RFX3: variants seen among roughly 807,000 people sequenced by gnomAD.
The protein encoded by RFX3 is regulatory factor X3, also known as transcription factor RFX3.
In RFX3, 14 loss-of-function variants were observed where a neutral mutation model predicts 98.6. That is an observed-to-expected ratio of 0.14 (90% CI 0.09 to 0.22). The LOEUF is 0.22. Ranked by LOEUF, RFX3 falls within the 10% of genes least tolerant of loss-of-function variation. The pLI is 1.00. For synonymous variants in RFX3, 383 were observed against 328.4 expected, an observed-to-expected ratio of 1.17 and a Z score of -1.80; for missense variants, 639 against 926.9, an observed-to-expected ratio of 0.69 and a Z score of 4.03.
intron 1 of RFX3, among the ~76,000 whole-genome samples, chr9:3,407,687 T>C (rs1237089152): frequency 6.6e-6 from 1 of 152,204 alleles, no homozygotes; most frequent in Non-Finnish European, 1.5e-5. Flanking sequence ...TTCTATATTA[T>C]GGGAATTAGA....
chr9:3,250,160 A>T (rs961379000), intron 14 of RFX3, among the ~76,000 whole-genome samples: 19 of 151,976 alleles, frequency 1.3e-4, no homozygotes, highest in Non-Finnish European at 1.3e-4. Flanking sequence ...TTACTAAAAA[A>T]GCAAAAACAA....
intron 1 of RFX3, among the ~76,000 whole-genome samples, chr9:3,521,275 G>T (rs1450055617): frequency 6.6e-6 from 1 of 152,126 alleles, no homozygotes; most frequent in East Asian, 1.9e-4. Context: ...ACTAATGCCA[G>T]ACAGTGCCAA....
intron 2 of RFX3, among the ~76,000 whole-genome samples, chr9:3,360,064 C>T (rs985849793): frequency 7.2e-5 from 11 of 151,998 alleles, no homozygotes; most frequent in African/African-American, 2.7e-4. Flanking sequence ...ATTTCATTAC[C>T]ATCCCCAATA....
chr9:3,454,217 AAAT>A (rs1288763518), intron 1 of RFX3, among the ~76,000 whole-genome samples: 8 of 152,160 alleles, frequency 5.3e-5, no homozygotes, highest in Admixed American at 4.6e-4. Context: ...CCATTTCAAA[AAAT>A]AAAGGTATAT....
At chr9:3,290,492 T>C (rs1390710315) in intron 6 of RFX3, among the ~76,000 whole-genome samples, 1 of 152,112 alleles carries the variant, frequency 6.6e-6, no homozygotes, top group Non-Finnish European at 1.5e-5. Flanking sequence ...AGTTTCAAAA[T>C]ATTGGCACGG....
chr9:3,239,891 T>G (rs1398549439), intron 15 of RFX3, among the ~76,000 whole-genome samples: 2 of 152,220 alleles, frequency 1.3e-5, no homozygotes, highest in East Asian at 3.9e-4. Context: ...CCCTGCCCCG[T>G]GGCTCTGAGT....
intron 1 of RFX3, chr9:3,453,445 A>T (rs999352866): frequency 6.6e-6 from 1 of 152,034 alleles, no homozygotes; most frequent in African/African-American, 2.4e-5. Flanking sequence ...TCATGCCTGT[A>T]ATGCTGGCAA....
At chr9:3,374,667 A>G (rs1368002658) in intron 2 of RFX3, among the ~76,000 whole-genome samples, 1 of 152,222 alleles carries the variant, frequency 6.6e-6, no homozygotes, top group East Asian at 1.9e-4. Context: ...AGCCAAATTC[A>G]TAGAAACAAA....
intron 16 of RFX3, among the ~76,000 whole-genome samples, chr9:3,227,959 G>A (rs1817983318): frequency 6.6e-6 from 1 of 152,006 alleles, no homozygotes; most frequent in African/African-American, 2.4e-5. Context: ...CAGTGGCTCT[G>A]GCCTGGAAGG....
intron 1 of RFX3, among the ~76,000 whole-genome samples, chr9:3,493,510 C>G (rs1850872615): frequency 6.6e-6 from 1 of 151,528 alleles, no homozygotes; most frequent in Admixed American, 6.6e-5. Flanking sequence ...TGGTGAAACC[C>G]CATCTCTACT....
Position 3,481,463 on chromosome 9 carries a change from T to G in RFX3, c.-9+44284A>C, listed in dbSNP as rs1251290879. Reference sequence around the variant, plus strand: ...AACCTTCCACATCAAGAAAATAGTTTCCCATCTGAAAAGTACATTTTTTAA... The same window carrying G: ...AACCTTCCACATCAAGAAAATAGTTGCCCATCTGAAAAGTACATTTTTTAA... On this transcript the variant is annotated intron_variant, in intron 1 of 16. Transcript: ENST00000617270. Among the ~76,000 whole-genome samples, 4 of 151,866 alleles carry G rather than the reference T, an allele frequency of 2.6e-5. No individual in the cohort carries two copies. In the East Asian group the frequency reaches 7.7e-4, roughly 29 times the overall value.
At chr9:3,233,135 G>A (rs919188976) in intron 15 of RFX3, among the ~76,000 whole-genome samples, 1 of 152,174 alleles carries the variant, frequency 6.6e-6, no homozygotes, top group Non-Finnish European at 1.5e-5. Flanking sequence ...GACAACAGCA[G>A]GCTGGGAAAT....
chr9:3,504,177 T>C (rs180976021), intron 1 of RFX3, among the ~76,000 whole-genome samples: 21 of 92,742 alleles, frequency 2.3e-4, no homozygotes, highest in East Asian at 1.0e-3. Context: ...ATATTATATA[T>C]TATACATATT....
chr9:3,330,701 A>G (rs1832493827), intron 3 of RFX3, among the ~76,000 whole-genome samples, 184 bp from the exon 4 acceptor site: 1 of 152,128 alleles, frequency 6.6e-6, no homozygotes, highest in South Asian at 2.1e-4. Context: ...TTAAGGGGCC[A>G]CTCATTTAAA....
chr9:3,524,841 A>G (rs1235959327), intron 1 of RFX3, among the ~76,000 whole-genome samples: 5 of 123,764 alleles, frequency 4.0e-5, no homozygotes, highest in African/African-American at 1.7e-4. Flanking sequence ...ACACACACAC[A>G]CACACACACA....
chr9:3,244,410 A>G (rs1051180081), intron 15 of RFX3, among the ~76,000 whole-genome samples: 1 of 152,204 alleles, frequency 6.6e-6, no homozygotes, highest in African/African-American at 2.4e-5. Flanking sequence ...TACCTGGCAC[A>G]CAACTGCTAT....
intron 15 of RFX3, among the ~76,000 whole-genome samples, chr9:3,233,733 C>T (rs1266592661): frequency 6.6e-6 from 1 of 152,208 alleles, no homozygotes; most frequent in Non-Finnish European, 1.5e-5. Context: ...ACAGCCATCG[C>T]TTGCTAATTG....
chr9:3,247,777 T>C (rs1345480327), intron 15 of RFX3: 8 of 1,590,828 alleles, frequency 5.0e-6, no homozygotes, highest in Non-Finnish European at 6.0e-6. Flanking sequence ...TTCTTTTACA[T>C]AGGTACCTGT....
At chr9:3,352,584 C>T (rs762145145) in intron 2 of RFX3, among the ~76,000 whole-genome samples, 2 of 152,112 alleles carry the variant, frequency 1.3e-5, no homozygotes, top group Admixed American at 6.6e-5. Context: ...CATATTAAAA[C>T]GTATTGAAAG....
Sources: allele counts gnomAD v4.1 joint callset (sites outside exome capture counted in the v4.1 genomes callset), GRCh38; gene constraint gnomAD v4.1.1; transcripts MANE v1.5; gene names NCBI Gene and HGNC (gene_info 2026-07-23, HGNC 2026-07-21).